The following FBXO40 variants were observed in gnomAD, a reference collection of about 807,000 sequenced individuals.
FBXO40 encodes F-box protein 40, also known as F-box only protein 40.
Under a neutral mutation model 49.9 loss-of-function variants are expected in FBXO40, and 50 were observed. The observed-to-expected ratio is 1.00, with a 90% CI of 0.80 to 1.27. The LOEUF is 1.27. Among genes scored for constraint, FBXO40 ranks in the 50% most tolerant of loss-of-function variants. The probability of loss-of-function intolerance (pLI) is 0.00; values close to 1 mark genes in which losing one functional copy is unlikely to be tolerated. For synonymous variants in FBXO40, 340 were observed against 320.2 expected, an observed-to-expected ratio of 1.06 and a Z score of -0.66; for missense variants, 895 against 870.1, an observed-to-expected ratio of 1.03 and a Z score of -0.36.
At chr3:121,595,741 A>C (rs182130396) in intron 1 of FBXO40, among the ~76,000 whole-genome samples, 135 of 152,354 alleles carry the variant, frequency 8.9e-4, no homozygotes, top group Non-Finnish European at 1.5e-3. Context: ...ATCTTTATAC[A>C]TTTTCTTTCC....
Position 121,628,673 on chromosome 3 carries a change from C to T in FBXO40, c.*1763C>T, listed in dbSNP as rs940294909. ...ACTAGTGACAATAAGTTAGGATATGCTTATTTTTTAGTACAGCAAAATCTT... is the reference window on the plus strand; with the variant it reads ...ACTAGTGACAATAAGTTAGGATATGTTTATTTTTTAGTACAGCAAAATCTT... On this transcript the variant is annotated 3_prime_UTR_variant, in exon 4 of 4. Coordinates refer to ENST00000338040, the MANE Select transcript of FBXO40 (RefSeq NM_016298.4). 2 of 152,178 alleles carry T rather than the reference C, an allele frequency of 1.3e-5. No homozygotes were observed. Among genetic ancestry groups the T allele is most frequent in the Admixed American group, 6.5e-5 (1 of 15,280 alleles). The allele number at this position is 152,178 out of a possible 1,614,324, so 9.4% of individuals were successfully genotyped here.
intron 3 of FBXO40, among the ~76,000 whole-genome samples, 167 bp from the exon 4 acceptor site, chr3:121,626,528 G>C (rs558845716): frequency 1.3e-5 from 2 of 152,258 alleles, no homozygotes; most frequent in African/African-American, 4.8e-5. Flanking sequence ...GGGGAACTAG[G>C]AATTGGATGC....
intron 1 of FBXO40, among the ~76,000 whole-genome samples, chr3:121,615,653 ACT>A (rs1404987261): frequency 6.6e-6 from 1 of 152,196 alleles, no homozygotes; most frequent in East Asian, 1.9e-4. Flanking sequence ...AGATGTGCTC[ACT>A]AAAGGTAGCA....
At chr3:121,626,084 T>G (rs897405668) in intron 3 of FBXO40, among the ~76,000 whole-genome samples, 1 of 152,188 alleles carries the variant, frequency 6.6e-6, no homozygotes, top group African/African-American at 2.4e-5. Context: ...GCATAAACAA[T>G]AAAGGGAATT....
rs1473542326 is a variant in FBXO40 at position 121,622,313 on chromosome 3, T to A, written c.884T>A (p.Leu295Gln). The change falls in exon 3 of 4, where the codon CTG becomes CAG. Residue 295 changes from leucine (L) to glutamine (Q), a missense_variant. Coordinates refer to ENST00000338040, the MANE Select transcript of FBXO40 (RefSeq NM_016298.4). ...TGLAPWQDGVLERLKTAVDAK... is the reference protein window; with the variant it reads ...TGLAPWQDGVQERLKTAVDAK... ...CTTGCCCCTTGGCAGGATGGTGTTC[T>A]GGAAAGACTGAAAACAGCTGTGGAT... 10 of 1,614,212 alleles carry A rather than the reference T, an allele frequency of 6.2e-6. No individual in the cohort carries two copies. The highest frequency in any genetic ancestry group is 8.5e-6 in the Non-Finnish European group (10 of 1,180,038).
chr3:121,620,497 AACCTAACTGTTT>A, intron 1 of FBXO40, 37 bp from the exon 2 acceptor site: 6 of 1,543,468 alleles, frequency 3.9e-6, no homozygotes, highest in Non-Finnish European at 5.4e-6. Context: ...TAATATAGGT[AACCTAACTGTTT>A]TTCTTACTAA....
Position 121,630,287 on chromosome 3 carries a change from A to C in FBXO40, c.*3377A>C, listed in dbSNP as rs192978601. The C allele has an allele frequency of 3.3e-5, 5 of 152,300 alleles. No homozygotes were observed. Among genetic ancestry groups the C allele is most frequent in the Admixed American group, 3.3e-4 (5 of 15,292 alleles). 9.4% of individuals were successfully genotyped at this position (152,300 alleles called of 1,614,324 possible). ...GAAGAGGAAATAAAAGCTGCTTTGC[A>C]CTCTGAAAGGCTAATTGGGTGAATC... is the stretch of plus-strand genomic sequence containing the variant. On this transcript the variant is annotated 3_prime_UTR_variant, in exon 4 of 4. Coordinates refer to ENST00000338040, the MANE Select transcript of FBXO40 (RefSeq NM_016298.4).
At chr3:121,620,664 C>A in intron 2 of FBXO40, 86 bp downstream of exon 2, 1 of 1,532,004 alleles carries the variant, frequency 6.5e-7, no homozygotes. Flanking sequence ...AGCTAGCAGA[C>A]TTGCTCTTAT....
intron 3 of FBXO40, 82 bp downstream of exon 3, chr3:121,623,425 C>T (rs2049045491): frequency 1.6e-6 from 2 of 1,252,874 alleles, no homozygotes; most frequent in South Asian, 2.9e-5. Flanking sequence ...TCTCTGTTGC[C>T]CAGGCAAAAG....
chr3:121,605,590 C>T (rs1226988904), intron 1 of FBXO40, among the ~76,000 whole-genome samples: 3 of 152,200 alleles, frequency 2.0e-5, no homozygotes, highest in Admixed American at 2.0e-4. Flanking sequence ...CATCTCAAAT[C>T]TGAAGAAATC....
Position 121,600,585 on chromosome 3 carries a change from A to G in FBXO40, c.-31+7083A>G, listed in dbSNP as rs1171597736. On this transcript the variant is annotated intron_variant, in intron 1 of 3. Coordinates refer to ENST00000338040, the MANE Select transcript of FBXO40 (RefSeq NM_016298.4). Reference sequence around the variant, plus strand: ...CATGTGGACACTATTCTGTGCCCCAACTCTAGCGATGGGCTTGCATTTTTC... The same window carrying G: ...CATGTGGACACTATTCTGTGCCCCAGCTCTAGCGATGGGCTTGCATTTTTC... Among the ~76,000 whole-genome samples the G allele has an allele frequency of 3.3e-5, 5 of 152,292 alleles. No homozygotes were observed. In the South Asian group the frequency reaches 1.0e-3, roughly 32 times the overall value.
chr3:121,625,172 G>A (rs1008859449), intron 3 of FBXO40, among the ~76,000 whole-genome samples: 7 of 152,166 alleles, frequency 4.6e-5, no homozygotes, highest in Admixed American at 3.9e-4. Flanking sequence ...TTGTTTAACT[G>A]TATTATAATT....
rs554032629 is a variant in FBXO40 at position 121,620,139 on chromosome 3, G to A, written c.-30-407G>A. Among the ~76,000 whole-genome samples, 4 of 152,334 alleles carry A rather than the reference G, an allele frequency of 2.6e-5. No individual in the cohort carries two copies. The South Asian group carries it at 8.3e-4, about 32-fold the overall frequency. On this transcript the variant is annotated intron_variant, in intron 1 of 3. Coordinates refer to ENST00000338040, the MANE Select transcript of FBXO40 (RefSeq NM_016298.4). ...ACCTCTAAGTGGACAGGAAGCCCCA[G>A]TGGAAGAGAAGATTAGAAGGTAACC...
intron 1 of FBXO40, among the ~76,000 whole-genome samples, chr3:121,597,659 C>CTTT (rs11388990): frequency 4.0e-5 from 5 of 124,504 alleles, no homozygotes; most frequent in African/African-American, 1.2e-4. Flanking sequence ...TATAGGCCCC[C>CTTT]TTTTTTTTTT....
chr3:121,601,090 T>C (rs539587101), intron 1 of FBXO40, among the ~76,000 whole-genome samples: 1 of 152,300 alleles, frequency 6.6e-6, no homozygotes, highest in South Asian at 2.1e-4. Context: ...ATATGGGACT[T>C]TCAGTGCTAA....
At chr3:121,610,130 C>T (rs576252186) in intron 1 of FBXO40, among the ~76,000 whole-genome samples, 1 of 152,188 alleles carries the variant, frequency 6.6e-6, no homozygotes, top group Non-Finnish European at 1.5e-5. Flanking sequence ...CACAGTGGCC[C>T]AGGGCACAGT....
intron 3 of FBXO40, among the ~76,000 whole-genome samples, chr3:121,626,068 A>G (rs1207640971): frequency 6.6e-6 from 1 of 152,246 alleles, no homozygotes; most frequent in Non-Finnish European, 1.5e-5. Context: ...AAATCAACCT[A>G]AAGTGGCATA....
At chr3:121,618,848 A>C (rs1439684977) in intron 1 of FBXO40, among the ~76,000 whole-genome samples, 1 of 152,110 alleles carries the variant, frequency 6.6e-6, no homozygotes, top group Non-Finnish European at 1.5e-5. Flanking sequence ...GCAATTGTTG[A>C]ATCTAGATAA....
chr3:121,622,454 A>G lies in FBXO40; in HGVS notation c.1025A>G (p.Gln342Arg), dbSNP rs1390845279. 6.2e-7 allele frequency: 1 copy of G among 1,614,228 alleles called. No homozygotes were observed. The highest frequency in any genetic ancestry group is 2.2e-5 in the East Asian group (1 of 44,884). Residue 342 changes from glutamine (Q) to arginine (R), a missense_variant, in exon 3 of 4, where the codon CAG becomes CGG. Physicochemically the swap from Gln to Arg is conservative, Grantham distance 43 (BLOSUM62 1). Transcript: ENST00000338040. The stretch of plus-strand genomic sequence containing the variant: ...TTTGTTTATGGCAAGCTGGAGGCTC[A>G]GGAAGTTAAGACTGTTTACACCTTC... ...RDFVYGKLEA[Q>R]EVKTVYTFKV...
Sources: gnomAD v4.1 joint callset for allele counts (sites outside exome capture counted in the v4.1 genomes callset) on GRCh38, gnomAD v4.1.1 for gene constraint, MANE v1.5 for transcripts, NCBI Gene and HGNC (gene_info 2026-07-23, HGNC 2026-07-21) for gene names.